STMN2: variants seen among roughly 807,000 people sequenced by gnomAD.
STMN2 encodes the protein stathmin 2, also known as stathmin-2.
STMN2 carries 2 observed loss-of-function variants against 24.1 expected under a neutral mutation model. The observed-to-expected ratio is 0.08, with a 90% CI of 0.03 to 0.26. STMN2 has a LOEUF of 0.26. STMN2 is among the 10% of genes least tolerant of loss of function. The pLI is 1.00. For synonymous variants in STMN2, 83 were observed against 77.5 expected, an observed-to-expected ratio of 1.07 and a Z score of -0.37; for missense variants, 114 against 213.6, an observed-to-expected ratio of 0.53 and a Z score of 2.91.
chr8:79,639,345 A>G (rs1015455862), intron 2 of STMN2, among the ~76,000 whole-genome samples: 4 of 152,224 alleles, frequency 2.6e-5, no homozygotes, highest in African/African-American at 9.6e-5. Context: ...AAATACTTGA[A>G]AAATGGTGGT....
chr8:79,653,577 G>C (rs1478294848), intron 3 of STMN2, among the ~76,000 whole-genome samples: 3 of 152,160 alleles, frequency 2.0e-5, no homozygotes, highest in Non-Finnish European at 4.4e-5. Context: ...TATTTGAAGA[G>C]AAGTTTCTCC....
At chr8:79,627,862 CTTTCTG>C (rs1267679941) in intron 1 of STMN2, among the ~76,000 whole-genome samples, 3 of 152,306 alleles carry the variant, frequency 2.0e-5, no homozygotes, top group Admixed American at 6.5e-5. Flanking sequence ...CAGTATTTGT[CTTTCTG>C]TTCCTGTCTT....
intron 2 of STMN2, 26 bp downstream of exon 2, chr8:79,636,923 C>A (rs1182850754): frequency 6.3e-7 from 1 of 1,592,474 alleles, no homozygotes; most frequent in Non-Finnish European, 8.6e-7. Context: ...TAGACATACC[C>A]CTGCTAGCTA....
chr8:79,636,789 CT>C lies in STMN2; in HGVS notation c.20-9del. On this transcript the variant is annotated splice_polypyrimidine_tract_variant and intron_variant, in intron 1 of 4. Coordinates refer to ENST00000220876, the MANE Select transcript of STMN2 (RefSeq NM_007029.4). ...AAAAATGAAATATACTAATCTTCAGCTTTTCATTTCAGCCTACAAGGAAAAA... is the reference window on the plus strand; with the variant it reads ...AAAAATGAAATATACTAATCTTCAGCTTTCATTTCAGCCTACAAGGAAAAA... 1 of 1,610,984 alleles carries C rather than the reference CT, an allele frequency of 6.2e-7. No homozygotes were observed.
chr8:79,622,290 A>G (rs929297390), intron 1 of STMN2, among the ~76,000 whole-genome samples: 10 of 152,224 alleles, frequency 6.6e-5, no homozygotes, highest in Non-Finnish European at 1.2e-4. Flanking sequence ...GCATTTGGTC[A>G]TCAAAAATAT....
chr8:79,646,283 G>C (rs1298414137), intron 3 of STMN2, among the ~76,000 whole-genome samples: 1 of 151,848 alleles, frequency 6.6e-6, no homozygotes, highest in Non-Finnish European at 1.5e-5. Context: ...AGACACAGGG[G>C]ATACTCATCA....
chr8:79,635,058 G>T (rs566921927), intron 1 of STMN2, among the ~76,000 whole-genome samples: 1 of 152,162 alleles, frequency 6.6e-6, no homozygotes, highest in Non-Finnish European at 1.5e-5. Context: ...ATTAACAAAA[G>T]TAAGAAGATT....
At chr8:79,628,265 G>C (rs1427621557) in intron 1 of STMN2, among the ~76,000 whole-genome samples, 2 of 152,032 alleles carry the variant, frequency 1.3e-5, no homozygotes, top group African/African-American at 4.8e-5. Flanking sequence ...CTGGGTTCAA[G>C]CAATTTTCCT....
chr8:79,611,809 A>C, intron 1 of STMN2: 1 of 577,714 alleles, frequency 1.7e-6, no homozygotes, highest in Non-Finnish European at 2.1e-6. Context: ...GGCGGGGGAC[A>C]GGGTGGGGGT....
intron 1 of STMN2, among the ~76,000 whole-genome samples, chr8:79,631,732 A>G (rs1809805826): frequency 6.6e-6 from 1 of 152,210 alleles, no homozygotes; most frequent in Admixed American, 6.5e-5. Flanking sequence ...GGATTTTTAA[A>G]TGGGATTACA....
intron 3 of STMN2, among the ~76,000 whole-genome samples, chr8:79,650,907 C>T (rs1383930571): frequency 6.6e-6 from 1 of 152,008 alleles, no homozygotes; most frequent in Non-Finnish European, 1.5e-5. Context: ...CCACTATACT[C>T]CAGCCTGAGC....
intron 1 of STMN2, among the ~76,000 whole-genome samples, chr8:79,629,217 A>G (rs1809740076): frequency 6.6e-6 from 1 of 152,204 alleles, no homozygotes; most frequent in Non-Finnish European, 1.5e-5. Flanking sequence ...AATCACTGCA[A>G]CATCAGGCAG....
At chr8:79,621,334 T>A (rs898292056) in intron 1 of STMN2, among the ~76,000 whole-genome samples, 4 of 152,204 alleles carry the variant, frequency 2.6e-5, no homozygotes, top group Non-Finnish European at 5.9e-5. Flanking sequence ...TTTTAAATTG[T>A]CATTAGATAT....
At chr8:79,636,756 A>T (rs1422461354) in intron 1 of STMN2, 46 bp from the exon 2 acceptor site, 1 of 1,556,306 alleles carries the variant, frequency 6.4e-7, no homozygotes, top group Non-Finnish European at 8.8e-7. Context: ...AGTAAAGAGA[A>T]ATTCAGAAAA....
At chr8:79,643,228 CTATA>C (rs34434345) in intron 3 of STMN2, among the ~76,000 whole-genome samples, 6,556 of 142,208 alleles carry the variant, frequency 0.046, 248 homozygotes, top group East Asian at 0.23. Context: ...ACTAACTCGA[CTATA>C]TATATATATA....
intron 1 of STMN2, among the ~76,000 whole-genome samples, chr8:79,630,900 AT>A (rs1368123862): frequency 7.4e-6 from 1 of 134,730 alleles, no homozygotes; most frequent in Non-Finnish European, 1.6e-5. Context: ...GCTTAGGGGG[AT>A]AAAAAAATCC....
intron 1 of STMN2, among the ~76,000 whole-genome samples, chr8:79,628,268 A>C (rs904602725): frequency 2.0e-5 from 3 of 151,498 alleles, no homozygotes; most frequent in Non-Finnish European, 4.4e-5. Flanking sequence ...GGTTCAAGCA[A>C]TTTTCCTGCC....
rs750214103 is a variant in STMN2, at chr8:79,641,436, G to A, written c.174G>A (p.Leu58=). ...RASGQAFELI[L]KPPSPISEAP... ...CTGGCCAGGCTTTTGAGCTGATCTT[G>A]AAGCCACCATCTCCTATCTCAGAAG... The change falls in exon 3 of 5, where the codon TTG becomes TTA. Residue 58 remains leucine (L), a synonymous_variant. Transcript: ENST00000220876. 1 of 1,614,034 alleles carries A rather than the reference G, an allele frequency of 6.2e-7. No individual in the cohort carries two copies. The highest frequency in any genetic ancestry group is 1.3e-5 in the African/African-American group (1 of 75,022).
At chr8:79,663,374 T>G (rs1420621014) in intron 4 of STMN2, among the ~76,000 whole-genome samples, 1 of 152,174 alleles carries the variant, frequency 6.6e-6, no homozygotes, top group African/African-American at 2.4e-5. Context: ...TTTCAGTTTC[T>G]TCATCTGCAA....
Sources: allele counts gnomAD v4.1 joint callset (sites outside exome capture counted in the v4.1 genomes callset), GRCh38; gene constraint gnomAD v4.1.1; transcripts MANE v1.5; gene names NCBI Gene and HGNC (gene_info 2026-07-23, HGNC 2026-07-21).